Variants in MARK2 observed in about 807,000 individuals in gnomAD.
MARK2 encodes microtubule affinity regulating kinase 2, also known as serine/threonine-protein kinase MARK2.
MARK2 carries 16 observed loss-of-function variants against 89.8 expected under a neutral mutation model. The ratio of observed to expected loss-of-function variants is 0.18; its 90% CI spans 0.12 to 0.27. The LOEUF (loss-of-function observed/expected upper bound fraction) is 0.27. MARK2 is among the 10% of genes least tolerant of loss of function. MARK2 has a pLI of 1.00. For missense variants in MARK2, 621 were observed against 1,049.9 expected (o/e 0.59, Z 5.65); for synonymous variants, 382 against 399.5 (o/e 0.96, Z 0.52).
At chr11:63,887,207 G>C (rs776866066) in intron 1 of MARK2, among the ~76,000 whole-genome samples, 1 of 152,200 alleles carries the variant, frequency 6.6e-6, no homozygotes. Flanking sequence ...ATGAGAGCAC[G>C]ATTAGGCATC....
intron 1 of MARK2, among the ~76,000 whole-genome samples, chr11:63,854,815 A>C (rs1280894098): frequency 7.0e-6 from 1 of 142,500 alleles, no homozygotes; most frequent in African/African-American, 2.8e-5. Context: ...ACCATCCCAA[A>C]AAAAAAAAAA....
Position 63,902,693 on chromosome 11 carries a change from T to G in MARK2, c.1327T>G (p.Ser443Ala), listed in dbSNP as rs1454695173. The change falls in exon 13 of 19, where the codon TCA (serine) becomes GCA (alanine). Residue 443 changes from serine (S) to alanine (A), a missense_variant. Transcript: ENST00000402010. The surrounding 1 kb of genome is among the most constrained non-coding windows in gnomAD (Gnocchi z 4.2). ...TAAGCGGCCTGAGGAGGACCGGGAG[T>G]CAGGGCGGAAAGCCAGCAGCACAGC... ...ENKRPEEDRESGRKASSTAKV... is the reference protein window; with the variant it reads ...ENKRPEEDREAGRKASSTAKV... 6.2e-7 allele frequency: 1 copy of G among 1,613,852 alleles called. No homozygotes were observed. Among genetic ancestry groups the G allele is most frequent in the East Asian group, 2.2e-5 (1 of 44,878 alleles).
chr11:63,840,732 C>T (rs187500955), intron 1 of MARK2, among the ~76,000 whole-genome samples: 5,087 of 152,310 alleles, frequency 0.033, 133 homozygotes, highest in Admixed American at 0.081. Context: ...TGTATCCCCA[C>T]ACCGTGCTTG....
chr11:63,873,524 C>A (rs1938573174), intron 1 of MARK2, among the ~76,000 whole-genome samples: 2 of 152,208 alleles, frequency 1.3e-5, no homozygotes, highest in Non-Finnish European at 2.9e-5. Flanking sequence ...CTTCTGCCAA[C>A]CTCCACAGCC....
At chr11:63,899,577 C>T (rs926035220) in intron 7 of MARK2, among the ~76,000 whole-genome samples, 1 of 152,226 alleles carries the variant, frequency 6.6e-6, no homozygotes, top group Non-Finnish European at 1.5e-5. Context: ...CTGCTGAGTC[C>T]TCACAGACAT....
At chr11:63,876,491 C>T (rs548266026) in intron 1 of MARK2, among the ~76,000 whole-genome samples, 4 of 152,208 alleles carry the variant, frequency 2.6e-5, no homozygotes, top group Non-Finnish European at 5.9e-5. Context: ...GTAGGGACCC[C>T]GTTATGGCTG....
intron 1 of MARK2, chr11:63,888,748 A>C (rs1024304236): frequency 2.5e-6 from 3 of 1,208,546 alleles, no homozygotes; most frequent in Non-Finnish European, 3.2e-6. Context: ...CCCAGGCAGG[A>C]ACCGCTCGGC....
chr11:63,858,308 G>C (rs932615943), intron 1 of MARK2, among the ~76,000 whole-genome samples: 1 of 152,074 alleles, frequency 6.6e-6, no homozygotes, highest in African/African-American at 2.4e-5. Flanking sequence ...GAGCCACTGT[G>C]CCTGGCCCTG....
At chr11:63,863,299 G>A (rs1387900980) in intron 1 of MARK2, among the ~76,000 whole-genome samples, 1 of 152,052 alleles carries the variant, frequency 6.6e-6, no homozygotes, top group Non-Finnish European at 1.5e-5. Context: ...TTCTTAGTGG[G>A]AATGGTTGCT....
rs187953817 is a variant in MARK2, at chr11:63,873,188, A to C, written c.55-21971A>C. Among the ~76,000 whole-genome samples, 193 of 152,178 alleles carry C rather than the reference A, an allele frequency of 1.3e-3. 2 individuals are homozygous for C. Among genetic ancestry groups the C allele is most frequent in the Non-Finnish European group, 1.2e-3 (79 of 67,988 alleles). Reference sequence around the variant, plus strand: ...TCTAATAGCTTGGGAAATGGAAAGCACTTCTAAATACCCCTGCTCTTCAGA... The same window carrying C: ...TCTAATAGCTTGGGAAATGGAAAGCCCTTCTAAATACCCCTGCTCTTCAGA... On this transcript the variant is annotated intron_variant, in intron 1 of 18. Coordinates refer to ENST00000402010, the MANE Select transcript of MARK2 (RefSeq NM_001039469.3).
Position 63,900,710 on chromosome 11 carries a change from C to G in MARK2, c.888+32C>G, listed in dbSNP as rs541859486. On this transcript the variant is annotated intron_variant, in intron 9 of 18. Coordinates refer to ENST00000402010, the MANE Select transcript of MARK2 (RefSeq NM_001039469.3). This position sits in a 1 kb window ranked among gnomAD's most constrained non-coding sequence, Gnocchi z 4.7. ...AGTGGAGCCCAACTGGCGGAAGGGC[C>G]TGGGGTCCCCACAGAAACTTTCCAG... 4 of 1,613,616 alleles carry G rather than the reference C, an allele frequency of 2.5e-6. No homozygotes were observed. Among genetic ancestry groups the G allele is most frequent in the Non-Finnish European group, 3.4e-6 (4 of 1,179,648 alleles).
chr11:63,844,659 G>A (rs1202156022), intron 1 of MARK2, among the ~76,000 whole-genome samples: 1 of 152,158 alleles, frequency 6.6e-6, no homozygotes, highest in Non-Finnish European at 1.5e-5. Flanking sequence ...CAGCATAAAT[G>A]TCCTAAGCAG....
intron 3 of MARK2, among the ~76,000 whole-genome samples, chr11:63,896,503 T>C (rs984974070): frequency 3.3e-5 from 5 of 152,250 alleles, no homozygotes; most frequent in African/African-American, 1.2e-4. Context: ...ATAAGCATAT[T>C]GTGGCAGTTG....
chr11:63,859,337 C>G (rs76527104), intron 1 of MARK2, among the ~76,000 whole-genome samples: 1 of 150,108 alleles, frequency 6.7e-6, no homozygotes, highest in Non-Finnish European at 1.5e-5. Context: ...TTTTTTTCCC[C>G]GAGAAGGAGT....
intron 1 of MARK2, among the ~76,000 whole-genome samples, chr11:63,873,618 A>T (rs1436364424): frequency 2.0e-5 from 3 of 152,068 alleles, no homozygotes; most frequent in Non-Finnish European, 4.4e-5. Flanking sequence ...TAGCAGCCCG[A>T]CCCTGCTGAA....
At position 63,900,474 on chromosome 11, in the gene MARK2, C is replaced by T. The variant is rs1940769598; in HGVS notation, c.769-85C>T. The stretch of plus-strand genomic sequence containing the variant: ...TTTCATTTATGTCTGCTTTGCCAGG[C>T]TTAAGCTCTCAGGATCTTGGATATT... On this transcript the variant is annotated intron_variant, in intron 8 of 18. Transcript: ENST00000402010. The surrounding 1 kb of genome is among the most constrained non-coding windows in gnomAD (Gnocchi z 4.7). The T allele has an allele frequency of 3.3e-6, 5 of 1,493,078 alleles. No homozygotes were observed. In the South Asian group the frequency reaches 3.6e-5, roughly 11 times the overall value. 92.5% of individuals were successfully genotyped at this position (1,493,078 alleles called of 1,614,324 possible). A position where few individuals can be genotyped will look rare whatever the true frequency, so the allele number is the denominator to read the frequency against.
chr11:63,853,829 C>A, intron 1 of MARK2, among the ~76,000 whole-genome samples: 1 of 152,042 alleles, frequency 6.6e-6, no homozygotes, highest in Admixed American at 6.5e-5. Flanking sequence ...TAAAGACTAT[C>A]ATTTTTTTTA....
chr11:63,856,979 T>C (rs1370309587), intron 1 of MARK2, among the ~76,000 whole-genome samples: 2 of 150,528 alleles, frequency 1.3e-5, no homozygotes, highest in Non-Finnish European at 3.0e-5. Flanking sequence ...GCCCGGCTAA[T>C]TTTTTGTATT....
intron 1 of MARK2, chr11:63,849,819 T>G (rs1035599063): frequency 1.3e-5 from 2 of 152,260 alleles, no homozygotes; most frequent in Non-Finnish European, 2.9e-5. Flanking sequence ...CATCCTCTCC[T>G]GTGATCTTAG....
Sources: allele counts gnomAD v4.1 joint callset (sites outside exome capture counted in the v4.1 genomes callset), GRCh38; gene constraint gnomAD v4.1.1; non-coding constraint Gnocchi (gnomAD v3.1); transcripts MANE v1.5; gene names NCBI Gene and HGNC (gene_info 2026-07-23, HGNC 2026-07-21).